Variants in BEND2 observed in about 807,000 individuals in gnomAD.
BEND2 encodes BEN domain containing 2.
Under a neutral mutation model 43.8 loss-of-function variants are expected in BEND2, and 19 were observed. That is an observed-to-expected ratio of 0.43 (90% CI 0.30 to 0.64). The LOEUF (loss-of-function observed/expected upper bound fraction) is 0.64. Ranked by LOEUF, BEND2 falls within the 30% of genes least tolerant of loss-of-function variation. BEND2 has a pLI of 0.11. For missense variants in BEND2, 544 were observed against 574.0 expected (o/e 0.95, Z 0.53); for synonymous variants, 226 against 210.1 (o/e 1.08, Z -0.66).
At chrX:18,200,428 G>A (rs185951904) in intron 6 of BEND2, among the ~76,000 whole-genome samples, 4 of 106,940 alleles carry the variant, frequency 3.7e-5, no homozygotes, top group African/African-American at 6.8e-5. Context: ...GCTTGAACCC[G>A]GGAGGCAGAA....
intron 13 of BEND2, among the ~76,000 whole-genome samples, chrX:18,169,964 TA>T (rs758910109): frequency 2.1e-3 from 232 of 111,843 alleles, no homozygotes; most frequent in African/African-American, 7.4e-3. Flanking sequence ...TCCCCCACAT[TA>T]AAAAAAGGTA....
At chrX:18,212,302 T>C (rs1042717577) in intron 4 of BEND2, among the ~76,000 whole-genome samples, 2 of 110,165 alleles carry the variant, frequency 1.8e-5, no homozygotes, top group Non-Finnish European at 3.8e-5. Context: ...TTTCACCACG[T>C]TGGCCAGGCT....
At chrX:18,201,427 A>AAAAAAAAAAAAAAAAAAAAAAAAAC (rs1925156313) in intron 6 of BEND2, among the ~76,000 whole-genome samples, 3 of 86,428 alleles carry the variant, frequency 3.5e-5, no homozygotes, top group Non-Finnish European at 4.6e-5. Flanking sequence ...ACAAAAAAAA[A>AAAAAAAAAAAAAAAAAAAAAAAAAC]AAAACTGGTG....
chrX:18,202,249 C>A (rs1056216969), intron 5 of BEND2, among the ~76,000 whole-genome samples: 4 of 112,032 alleles, frequency 3.6e-5, no homozygotes, highest in Admixed American at 9.5e-5. Context: ...GATGATACAG[C>A]GCCCCTGGAA....
intron 4 of BEND2, among the ~76,000 whole-genome samples, chrX:18,207,528 G>C (rs1484842187): frequency 9.0e-6 from 1 of 111,458 alleles, no homozygotes; most frequent in Non-Finnish European, 1.9e-5. Flanking sequence ...AATTAAATGT[G>C]AAACAATCTA....
intron 4 of BEND2, among the ~76,000 whole-genome samples, chrX:18,207,929 G>C (rs1602051903): frequency 9.1e-6 from 1 of 109,458 alleles, no homozygotes; most frequent in East Asian, 2.9e-4. Context: ...TGAGGCAGGA[G>C]AATCGCTTAA....
At chrX:18,203,455 C>A in intron 5 of BEND2, 46 bp downstream of exon 5, 1 of 1,124,022 alleles carries the variant, frequency 8.9e-7, no homozygotes, top group Non-Finnish European at 1.2e-6. Flanking sequence ...GTTTTAAAAT[C>A]TAGATTGAAG....
At chrX:18,170,881 A>G in intron 13 of BEND2, 120 bp downstream of exon 13, 1 of 1,119,958 alleles carries the variant, frequency 8.9e-7, no homozygotes, top group East Asian at 3.0e-5. Flanking sequence ...TGAGGCACTC[A>G]GTAATTACTA....
Position 18,171,130 on chromosome X carries a change from C to A in BEND2, c.2056G>T (p.Ala686Ser). ...VLTLAKTKSC[A>S]SLSARYLIQK... ...ATAAGGTATCTAGCCGACAGGCTTGCGCAAGACTTAGTTTTTGCCAAAGTC... is the reference window on the plus strand; with the variant it reads ...ATAAGGTATCTAGCCGACAGGCTTGAGCAAGACTTAGTTTTTGCCAAAGTC... Residue 686 changes from alanine (A) to serine (S), a missense_variant, in exon 13 of 14, where the codon GCA (alanine) becomes TCA (serine). Around this residue, in one of 2 missense-constraint regions of BEND2, gnomAD observed 501 missense variants for 501.6 expected, o/e 1.00. Coordinates refer to ENST00000380033, the MANE Select transcript of BEND2 (RefSeq NM_153346.5). 3 of 1,209,080 alleles carry A rather than the reference C, an allele frequency of 2.5e-6. No homozygotes were observed. In the South Asian group the frequency reaches 5.3e-5, roughly 21 times the overall value.
chrX:18,172,663 C>T (rs765466212), intron 12 of BEND2, among the ~76,000 whole-genome samples: 253 of 109,895 alleles, frequency 2.3e-3, no homozygotes, highest in African/African-American at 8.2e-3. Context: ...CATTGCACTC[C>T]AGCCTGGGTA....
chrX:18,180,540 A>G lies in BEND2; in HGVS notation c.1399T>C (p.Ser467Pro). ...TTGGGAGGGATACAGACAGATGATG[A>G]GGAAGAATCCTGGCCACTGTCACTG... ...LDSDSGQDSSSSSVCIPPKYG... is the reference protein window; with the variant it reads ...LDSDSGQDSSPSSVCIPPKYG... Residue 467 changes from serine (S) to proline (P), a missense_variant, in exon 9 of 14, where the codon TCA becomes CCA. Transcript: ENST00000380033. 1.7e-6 allele frequency: 2 copies of G among 1,207,298 alleles called. No homozygotes were observed. The highest frequency in any genetic ancestry group is 3.5e-5 in the African/African-American group (2 of 57,761).
At chrX:18,179,611 C>T (rs1168944371) in intron 9 of BEND2, among the ~76,000 whole-genome samples, 2 of 112,204 alleles carry the variant, frequency 1.8e-5, no homozygotes, top group Admixed American at 9.5e-5. Context: ...GCCATGGCCA[C>T]GCCTATTCAT....
intron 13 of BEND2, among the ~76,000 whole-genome samples, chrX:18,167,086 G>C (rs1233923439): frequency 9.0e-6 from 1 of 110,523 alleles, no homozygotes; most frequent in Non-Finnish European, 1.9e-5. Flanking sequence ...TTTGAGACCA[G>C]CCTGGTCAGC....
Position 18,177,679 on chromosome X carries a change from C to G in BEND2, c.1520G>C (p.Cys507Ser), listed in dbSNP as rs1924221263. The change falls in exon 10 of 14, where the codon TGC becomes TCC. Residue 507 changes from cysteine to serine, a missense_variant. Transcript: ENST00000380033. ...GGAGAACAAAATACGAACCAAGTAG[C>G]AGGCTGCTTGCTTAGGTTTGGCCAT... ...QNMAKPKQAA[C>S]YLVRILFSKE... The G allele has an allele frequency of 8.3e-7, 1 of 1,208,454 alleles. No homozygotes were observed. The highest frequency in any genetic ancestry group is 2.2e-5 in the Admixed American group (1 of 45,658).
At chrX:18,206,709 G>A (rs1160717750) in intron 4 of BEND2, among the ~76,000 whole-genome samples, 1 of 111,075 alleles carries the variant, frequency 9.0e-6, no homozygotes, top group Admixed American at 9.6e-5. Context: ...TTGGTTGGCT[G>A]TGGGGACAGA....
chrX:18,182,914 C>T lies in BEND2; in HGVS notation c.1289-2264G>A, dbSNP rs758874142. Among the ~76,000 whole-genome samples the T allele has an allele frequency of 3.7e-5, 4 of 109,341 alleles. No individual in the cohort carries two copies. In the East Asian group the frequency reaches 8.6e-4, roughly 24 times the overall value. 94.9% of individuals were successfully genotyped at this position (109,341 alleles called of 115,157 possible). A position where few individuals can be genotyped will look rare whatever the true frequency, so the allele number is the denominator to read the frequency against. On this transcript the variant is annotated intron_variant, in intron 8 of 13. Transcript: ENST00000380033. ...AAAATTAGCCAGGCGTGGTAGTACACGCCTATAGTTCCAGCTACTCAGGAG... is the reference window on the plus strand; with the variant it reads ...AAAATTAGCCAGGCGTGGTAGTACATGCCTATAGTTCCAGCTACTCAGGAG...
chrX:18,196,954 C>A (rs1049956976), intron 6 of BEND2, among the ~76,000 whole-genome samples: 1 of 111,361 alleles, frequency 9.0e-6, no homozygotes, highest in South Asian at 3.8e-4. Flanking sequence ...TACAGATACA[C>A]CCACAGATTA....
At chrX:18,174,374 G>C (rs1924077263) in intron 11 of BEND2, 116 bp from the exon 12 acceptor site, 1 of 623,277 alleles carries the variant, frequency 1.6e-6, no homozygotes, top group Non-Finnish European at 2.5e-6. Flanking sequence ...CTCTTTAAAA[G>C]GTGGGCTGAA....
intron 11 of BEND2, 82 bp downstream of exon 11, chrX:18,175,890 G>A: frequency 1.1e-6 from 1 of 920,570 alleles, no homozygotes; most frequent in Non-Finnish European, 1.4e-6. Context: ...TAAAGAGACT[G>A]TGCCTCATGC....
Sources: gnomAD v4.1 joint callset for allele counts (sites outside exome capture counted in the v4.1 genomes callset) on GRCh38, gnomAD v4.1.1 for gene constraint, gnomAD v4.1.1 regional missense constraint, MANE v1.5 for transcripts, NCBI Gene and HGNC (gene_info 2026-07-23, HGNC 2026-07-21) for gene names.